Variants in PAK1 observed in about 807,000 individuals in gnomAD.
PAK1 encodes serine/threonine-protein kinase PAK 1.
Under a neutral mutation model 67.4 loss-of-function variants are expected in PAK1, and 29 were observed. The observed-to-expected ratio is 0.43, with a 90% CI of 0.32 to 0.59. PAK1 has a LOEUF of 0.59. Among genes scored for constraint, PAK1 ranks in the 20% least tolerant of loss-of-function variants. The pLI, the probability that PAK1 is intolerant of heterozygous loss-of-function variation, is 0.07. For missense variants in PAK1, 337 were observed against 670.7 expected, an observed-to-expected ratio of 0.50 and a Z score of 5.50; for synonymous variants, 223 against 237.4, an observed-to-expected ratio of 0.94 and a Z score of 0.56.
rs566874549 is a variant in PAK1 at position 77,429,056 on chromosome 11, TAAAAAAAAAAAAAAAAAA to T, written c.-21-36533_-21-36516del. Among the ~76,000 whole-genome samples the T allele has an allele frequency of 7.5e-3, 368 of 48,988 alleles. 4 individuals carry two copies. The highest frequency in any genetic ancestry group is 0.041 in the African/African-American group (321 of 7,756). 32.1% of individuals were successfully genotyped at this position (48,988 alleles called of 152,430 possible). A position where few individuals can be genotyped will look rare whatever the true frequency, so the allele number is the denominator to read the frequency against. ...TTGGATTCTAAATGCCATTTAATACTAAAAAAAAAAAAAAAAAAAAAAAAAAAAAAAAAAAAAACACAC... is the reference window on the plus strand; with the variant it reads ...TTGGATTCTAAATGCCATTTAATACTAAAAAAAAAAAAAAAAAAAACACAC... On this transcript the variant is annotated intron_variant, in intron 1 of 14. Transcript: ENST00000356341.
At chr11:77,405,711 A>C (rs988167561) in intron 1 of PAK1, among the ~76,000 whole-genome samples, 1 of 145,480 alleles carries the variant, frequency 6.9e-6, no homozygotes, top group Non-Finnish European at 1.5e-5. Context: ...ACACACACAC[A>C]CACCCTTCCC....
chr11:77,435,697 A>G (rs1956098331), intron 1 of PAK1, among the ~76,000 whole-genome samples: 1 of 128,476 alleles, frequency 7.8e-6, no homozygotes, highest in Non-Finnish European at 1.6e-5. Context: ...TTTAGTAGAG[A>G]CGGAGTTTCA....
intron 5 of PAK1, among the ~76,000 whole-genome samples, chr11:77,364,810 G>A (rs1947279356): frequency 6.6e-6 from 1 of 152,268 alleles, no homozygotes; most frequent in South Asian, 2.1e-4. Flanking sequence ...AGAGTTTTAA[G>A]AAAGCCTAAC....
At chr11:77,513,283 T>C in the PAK1 span, among the ~76,000 whole-genome samples, 4 of 152,152 alleles carry the variant, frequency 2.6e-5, no homozygotes, top group Non-Finnish European at 4.4e-5. Context: ...ACTTAATAAA[T>C]GTTTGGATGA....
At chr11:77,396,341 A>G (rs1278887434) in intron 1 of PAK1, among the ~76,000 whole-genome samples, 1 of 152,218 alleles carries the variant, frequency 6.6e-6, no homozygotes, top group Admixed American at 6.5e-5. Context: ...TTCTATCTTC[A>G]GCCATCTCAT....
upstream of PAK1, among the ~76,000 whole-genome samples, chr11:77,477,196 A>G (rs183933544): frequency 4.6e-5 from 7 of 152,308 alleles, no homozygotes; most frequent in East Asian, 9.7e-4. Flanking sequence ...AATAAGTAGG[A>G]TAAGTGTATA....
rs184553236 is a variant in PAK1 at position 77,361,423 on chromosome 11, G to A, written c.478-2406C>T. On this transcript the variant is annotated intron_variant, in intron 5 of 14. Transcript: ENST00000356341. ...GGTGTAACAAAGTTAGTAAGGGGAAGTAAGGAAAGAAACAAGGTCAGAAAG... is the reference window on the plus strand; with the variant it reads ...GGTGTAACAAAGTTAGTAAGGGGAAATAAGGAAAGAAACAAGGTCAGAAAG... 1.4e-3 allele frequency among the ~76,000 whole-genome samples: 210 copies of A among 152,264 alleles called. 1 individual carries two copies. The highest frequency in any genetic ancestry group is 4.8e-3 in the African/African-American group (201 of 41,556).
At chr11:77,401,375 T>C (rs181421439) in intron 1 of PAK1, among the ~76,000 whole-genome samples, 38 of 152,326 alleles carry the variant, frequency 2.5e-4, no homozygotes, top group Non-Finnish European at 5.1e-4. Context: ...TGAGGAAAAC[T>C]GTTGGCTGTT....
the PAK1 span, among the ~76,000 whole-genome samples, chr11:77,490,837 C>A: frequency 6.6e-6 from 1 of 152,220 alleles, no homozygotes; most frequent in Non-Finnish European, 1.5e-5. Context: ...ACCCCCAACC[C>A]TGTGCCCTCT....
intron 2 of PAK1, among the ~76,000 whole-genome samples, chr11:77,381,404 T>TCC: frequency 6.6e-6 from 1 of 152,160 alleles, no homozygotes; most frequent in East Asian, 1.9e-4. Flanking sequence ...ATCACCACAA[T>TCC]CCTGAGGTAA....
intron 2 of PAK1, among the ~76,000 whole-genome samples, chr11:77,384,594 G>A (rs1950226520): frequency 6.6e-6 from 1 of 152,188 alleles, no homozygotes; most frequent in Non-Finnish European, 1.5e-5. Context: ...CCTGATCCAT[G>A]CTACAACATG....
intron 1 of PAK1, among the ~76,000 whole-genome samples, chr11:77,421,123 A>ATCT (rs1955238516): frequency 6.6e-6 from 1 of 152,026 alleles, no homozygotes; most frequent in South Asian, 2.1e-4. Context: ...GCCTTATATG[A>ATCT]TCTTACCTTC....
At chr11:77,356,357 T>C (rs1001919821) in intron 6 of PAK1, 2 of 152,554 alleles carry the variant, frequency 1.3e-5, no homozygotes, top group Admixed American at 6.5e-5. Context: ...CACCAACTTC[T>C]ATTGAGTTAC....
At chr11:77,514,727 A>G in the PAK1 span, among the ~76,000 whole-genome samples, 3 of 152,168 alleles carry the variant, frequency 2.0e-5, no homozygotes, top group Non-Finnish European at 4.4e-5. Flanking sequence ...TGTCTCGTTC[A>G]TCAGTTTCCA....
intron 1 of PAK1, among the ~76,000 whole-genome samples, chr11:77,395,404 T>C (rs1483018434): frequency 4.6e-5 from 7 of 152,194 alleles, no homozygotes; most frequent in Non-Finnish European, 7.3e-5. Flanking sequence ...TTTTAATTAA[T>C]CAAACTTTGC....
At chr11:77,414,236 A>C (rs930458405) in intron 1 of PAK1, among the ~76,000 whole-genome samples, 1 of 152,230 alleles carries the variant, frequency 6.6e-6, no homozygotes, top group African/African-American at 2.4e-5. Context: ...TCGTTTGTTC[A>C]TTCAACAACT....
chr11:77,355,723 A>G lies in PAK1; in HGVS notation c.717T>C (p.Thr239=), dbSNP rs115800169. 125 of 1,613,572 alleles carry G rather than the reference A, an allele frequency of 7.7e-5. 1 individual carries two copies. In the African/African-American group the frequency reaches 1.3e-3, roughly 17 times the overall value. ...TTTTAGGCTTCTTCTTCTGCTTCTC[A>G]GTATTCCGGGTCAAAGCATCTGGTG... ...TTPPDALTRN[T]EKQKKKPKMS... is the part of the protein sequence containing the mutation. Residue 239 remains threonine (T), a synonymous_variant, in exon 7 of 15, where the codon ACT becomes ACC. Transcript: ENST00000356341.
the PAK1 span, among the ~76,000 whole-genome samples, chr11:77,505,431 AC>A: frequency 6.6e-6 from 1 of 152,122 alleles, no homozygotes; most frequent in Non-Finnish European, 1.5e-5. Flanking sequence ...CAAGTGATCC[AC>A]CCAACTTGGC....
intron 13 of PAK1, among the ~76,000 whole-genome samples, chr11:77,333,917 T>C (rs1317016363): frequency 6.6e-6 from 1 of 151,916 alleles, no homozygotes; most frequent in African/African-American, 2.4e-5. Flanking sequence ...CCCAGCACTT[T>C]GGGAGGCTGA....
Sources: gnomAD v4.1 joint callset for allele counts (sites outside exome capture counted in the v4.1 genomes callset) on GRCh38, gnomAD v4.1.1 for gene constraint, MANE v1.5 for transcripts, NCBI Gene and HGNC (gene_info 2026-07-23, HGNC 2026-07-21) for gene names.